CDC25C: variants seen among roughly 807,000 people sequenced by gnomAD.
CDC25C encodes cell division cycle 25C.
A neutral mutation model predicts 52.5 loss-of-function variants in CDC25C; 48 were observed. The observed-to-expected ratio is 0.91, with a 90% CI of 0.72 to 1.16. The LOEUF is 1.16. Among genes scored for constraint, CDC25C ranks in the 50% most tolerant of loss-of-function variants. CDC25C has a pLI of 0.00. For synonymous variants in CDC25C, 187 were observed against 206.5 expected (o/e 0.91, Z 0.81); for missense variants, 510 against 566.1 (o/e 0.90, Z 1.01).
intron 7 of CDC25C, among the ~76,000 whole-genome samples, chr5:138,294,214 T>C (rs1408716189): frequency 6.1e-5 from 9 of 147,848 alleles, no homozygotes; most frequent in Non-Finnish European, 1.2e-4. Flanking sequence ...TTTTTTGAGA[T>C]GGAGTCTAGC....
rs1477515901 is a variant in CDC25C, at chr5:138,296,609, T to TA, written c.616-4494_616-4493insT. On this transcript the variant is annotated intron_variant, in intron 7 of 13. Coordinates refer to ENST00000323760, the MANE Select transcript of CDC25C (RefSeq NM_001790.5). ...ATTTTTATTTTATTATTATTAATTA[T>TA]TTTTTTTTTTTTTTGAGACAGAGTC... is the stretch of plus-strand genomic sequence containing the variant. Among the ~76,000 whole-genome samples, 18 of 73,322 alleles carry TA rather than the reference T, an allele frequency of 2.5e-4. 1 individual carries two copies. In the East Asian group the frequency reaches 8.6e-3, roughly 35 times the overall value. 48.1% of individuals were successfully genotyped at this position (73,322 alleles called of 152,430 possible). A position where few individuals can be genotyped will look rare whatever the true frequency, so the allele number is the denominator to read the frequency against.
At chr5:138,313,836 C>G (rs1207236975) in intron 7 of CDC25C, among the ~76,000 whole-genome samples, 6 of 152,034 alleles carry the variant, frequency 3.9e-5, no homozygotes, top group Non-Finnish European at 4.4e-5. Context: ...ACTCAATGTC[C>G]AAAACAGAAC....
At chr5:138,296,220 T>C (rs1580723551) in intron 7 of CDC25C, among the ~76,000 whole-genome samples, 1 of 152,050 alleles carries the variant, frequency 6.6e-6, no homozygotes, top group Non-Finnish European at 1.5e-5. Flanking sequence ...TCCTACTCTT[T>C]TAGTTATTTT....
chr5:138,313,478 A>C (rs1758614769), intron 7 of CDC25C, among the ~76,000 whole-genome samples: 2 of 152,030 alleles, frequency 1.3e-5, no homozygotes, highest in South Asian at 4.1e-4. Context: ...GAAGGCACTT[A>C]ATACCACTAA....
intron 7 of CDC25C, among the ~76,000 whole-genome samples, chr5:138,318,145 A>G (rs764046038): frequency 7.2e-5 from 11 of 152,134 alleles, no homozygotes; most frequent in Non-Finnish European, 1.6e-4. Context: ...TCTGGCCAAC[A>G]TGGCAAAACC....
At chr5:138,330,882 A>C (rs368506930) in intron 2 of CDC25C, 105 bp downstream of exon 2, 42 of 779,502 alleles carry the variant, frequency 5.4e-5, no homozygotes, top group Middle Eastern at 3.6e-4. Context: ...GTTGAGACTT[A>C]AAGCCTGACC....
chr5:138,290,593 T>C, intron 9 of CDC25C, 46 bp downstream of exon 9: 2 of 1,039,796 alleles, frequency 1.9e-6, no homozygotes, highest in Non-Finnish European at 3.0e-6. Context: ...AAGATTCAGA[T>C]CCAAAATGAC....
intron 6 of CDC25C, among the ~76,000 whole-genome samples, chr5:138,322,768 C>A (rs1460489415): frequency 6.6e-6 from 1 of 151,748 alleles, no homozygotes; most frequent in African/African-American, 2.4e-5. Context: ...AGCCACCGCG[C>A]CCGGCCCTGG....
intron 9 of CDC25C, 122 bp downstream of exon 9, chr5:138,290,515 ACT>A: frequency 1.5e-6 from 1 of 654,598 alleles, no homozygotes; most frequent in East Asian, 2.8e-5. Context: ...CCACTAGAGC[ACT>A]GTCAGGTTAC....
chr5:138,299,962 G>A (rs1373098168), intron 7 of CDC25C, among the ~76,000 whole-genome samples: 1 of 152,146 alleles, frequency 6.6e-6, no homozygotes, highest in African/African-American at 2.4e-5. Flanking sequence ...AAAGGATCAT[G>A]AAGAAATATT....
At chr5:138,319,150 G>T in intron 7 of CDC25C, 69 bp downstream of exon 7, 1 of 1,356,794 alleles carries the variant, frequency 7.4e-7, no homozygotes, top group Non-Finnish European at 1.0e-6. Context: ...AGTTTAATTT[G>T]TCTAGTTCTT....
chr5:138,294,370 T>G (rs1453915156), intron 7 of CDC25C, among the ~76,000 whole-genome samples: 2 of 151,602 alleles, frequency 1.3e-5, no homozygotes, highest in Non-Finnish European at 2.9e-5. Flanking sequence ...TTTTGTATTT[T>G]TAGTAGAGAC....
rs149304354 is a variant in CDC25C, at chr5:138,306,006, C to A, written c.615+13213G>T. The stretch of plus-strand genomic sequence containing the variant: ...GCAGCACAGTCTATCTAGCAGCAAG[C>A]CTGATCATGTTCCATGGCAGGGTGC... On this transcript the variant is annotated intron_variant, in intron 7 of 13. Transcript: ENST00000323760. Among the ~76,000 whole-genome samples, 87 of 152,284 alleles carry A rather than the reference C, an allele frequency of 5.7e-4. No individual in the cohort carries two copies. In the East Asian group the frequency reaches 0.017, roughly 29 times the overall value.
intron 7 of CDC25C, among the ~76,000 whole-genome samples, chr5:138,315,324 G>A (rs916698935): frequency 2.0e-5 from 3 of 152,118 alleles, no homozygotes; most frequent in African/African-American, 4.8e-5. Context: ...CTCCATCACA[G>A]GTACATATGC....
Position 138,326,001 on chromosome 5 carries a change from A to C in CDC25C, c.369+20T>G, listed in dbSNP as rs768865965. On this transcript the variant is annotated intron_variant, in intron 5 of 13. Transcript: ENST00000323760. ...CACCTGAAAAGCAAAACAAAACCCA[A>C]AAAAAGAGAGGCTACTCACTGGGCT... is the stretch of plus-strand genomic sequence containing the variant. 1.9e-6 allele frequency: 3 copies of C among 1,614,124 alleles called. No homozygotes were observed. In the Admixed American group the frequency reaches 5.0e-5, roughly 27 times the overall value.
chr5:138,332,582 T>C (rs1760477754), upstream of CDC25C, among the ~76,000 whole-genome samples: 1 of 152,152 alleles, frequency 6.6e-6, no homozygotes, highest in Non-Finnish European at 1.5e-5. Flanking sequence ...TTATAAATTA[T>C]TGGCCGGACG....
chr5:138,289,550 G>T lies in CDC25C; in HGVS notation c.878C>A (p.Pro293Gln). 6.2e-7 allele frequency: 1 copy of T among 1,613,402 alleles called. No individual in the cohort carries two copies. The highest frequency in any genetic ancestry group is 8.5e-7 in the Non-Finnish European group (1 of 1,179,408). ...IGDFSKVCAL[P>Q]TVSGKHQDLK... ...ATCTTGGTGTTTCCCTGACACGGTT[G>T]GCAGCGCACATACCTAGAAATACAC... Residue 293 changes from proline to glutamine, a missense_variant, in exon 10 of 14, where the codon CCA becomes CAA. Physicochemically the swap from Pro to Gln is moderately conservative, Grantham distance 76. Transcript: ENST00000323760.
chr5:138,312,360 ACCTGTCT>A (rs1294694948), intron 7 of CDC25C, among the ~76,000 whole-genome samples: 1 of 152,166 alleles, frequency 6.6e-6, no homozygotes. Context: ...ACTGAGTGAG[ACCTGTCT>A]CCAAAAAAGT....
intron 7 of CDC25C, among the ~76,000 whole-genome samples, chr5:138,300,047 G>A (rs1757518070): frequency 6.6e-6 from 1 of 152,118 alleles, no homozygotes; most frequent in Non-Finnish European, 1.5e-5. Flanking sequence ...AAAAACTACT[G>A]AAACTAGCCA....
Sources: allele counts gnomAD v4.1 joint callset (sites outside exome capture counted in the v4.1 genomes callset), GRCh38; gene constraint gnomAD v4.1.1; transcripts MANE v1.5; gene names NCBI Gene and HGNC (gene_info 2026-07-23, HGNC 2026-07-21).